Variants in PCDHGB3 observed in about 807,000 individuals in gnomAD.
PCDHGB3 encodes protocadherin gamma subfamily B, 3.
Under a neutral mutation model 59.2 loss-of-function variants are expected in PCDHGB3, and 40 were observed. The observed-to-expected ratio is 0.68, with a 90% CI of 0.52 to 0.88. The LOEUF (loss-of-function observed/expected upper bound fraction) is 0.88, where lower values mean the gene tolerates loss of function less well. PCDHGB3 is among the 40% of genes least tolerant of loss of function. The pLI is 0.00. For missense variants in PCDHGB3, 1,309 were observed against 1,187.9 expected, an observed-to-expected ratio of 1.10 and a Z score of -1.50; for synonymous variants, 581 against 503.6, an observed-to-expected ratio of 1.15 and a Z score of -2.06.
At chr5:141,445,313 T>C (rs1186654847) in intron 1 of PCDHGB3, among the ~76,000 whole-genome samples, 8 of 152,328 alleles carry the variant, frequency 5.3e-5, no homozygotes, top group Non-Finnish European at 4.4e-5. Flanking sequence ...GTTTGTAGGT[T>C]GAGAGAACCC....
intron 1 of PCDHGB3, chr5:141,395,373 G>A (rs2150613921): frequency 1.7e-6 from 2 of 1,189,412 alleles, no homozygotes; most frequent in African/African-American, 3.1e-5. Context: ...TATTTTGGTG[G>A]TGTTACTATA....
rs762979829 is a variant in PCDHGB3, at chr5:141,432,863, T to A, written c.2415+60054T>A. 1 of 1,614,074 alleles carries A rather than the reference T, an allele frequency of 6.2e-7. No individual in the cohort carries two copies. Among genetic ancestry groups the A allele is most frequent in the East Asian group, 2.2e-5 (1 of 44,886 alleles). On this transcript the variant is annotated intron_variant, in intron 1 of 3. Coordinates refer to ENST00000576222, the MANE Select transcript of PCDHGB3 (RefSeq NM_018924.5). The surrounding 1 kb of genome is among the most constrained non-coding windows in gnomAD (Gnocchi z 6.0). ...GGTGGTAGCGGTGGCCGCGGTCTCCTGCGTCTTCCTGGCCTTCGTCATCTT... is the reference window on the plus strand; with the variant it reads ...GGTGGTAGCGGTGGCCGCGGTCTCCAGCGTCTTCCTGGCCTTCGTCATCTT...
At chr5:141,478,215 T>C (rs764444582) in intron 1 of PCDHGB3, 11 of 1,614,118 alleles carry the variant, frequency 6.8e-6, no homozygotes. Context: ...TCTCTAATCC[T>C]GGTTTCTGTG....
chr5:141,423,569 TC>T (rs2096755253), intron 1 of PCDHGB3: 1 of 1,613,362 alleles, frequency 6.2e-7, no homozygotes, highest in Non-Finnish European at 8.5e-7. Context: ...GACACGCTCA[TC>T]AGCCAGGAGA....
chr5:141,373,880 A>T, intron 1 of PCDHGB3: 1 of 466,736 alleles, frequency 2.1e-6, no homozygotes, highest in Non-Finnish European at 3.6e-6. Context: ...CAAGAAAATC[A>T]ACGGAAACTC....
chr5:141,414,429 G>A (rs1372056104), intron 1 of PCDHGB3: 1 of 1,613,860 alleles, frequency 6.2e-7, no homozygotes, highest in Non-Finnish European at 8.5e-7. Flanking sequence ...ACAGGGAACA[G>A]GTATCCTCTT....
intron 2 of PCDHGB3, among the ~76,000 whole-genome samples, chr5:141,496,121 C>A (rs1391009290): frequency 6.6e-6 from 1 of 152,088 alleles, no homozygotes; most frequent in Non-Finnish European, 1.5e-5. Flanking sequence ...TCCTTCCCTG[C>A]CCCTCACACA....
In PCDHGB3 at chr5:141,399,542, C is replaced by T. The variant is rs761214012; in HGVS notation, c.2415+26733C>T. The T allele has an allele frequency of 5.6e-6, 9 of 1,614,046 alleles. No homozygotes were observed. The South Asian group carries it at 8.8e-5, about 16-fold the overall frequency. On this transcript the variant is annotated intron_variant, in intron 1 of 3. Transcript: ENST00000576222. ...GGGGCCTCCATCGCGCAAGTCTGCGCCTCGGACCTGGACTTGGGGTTGAAC... is the reference window on the plus strand; with the variant it reads ...GGGGCCTCCATCGCGCAAGTCTGCGTCTCGGACCTGGACTTGGGGTTGAAC...
At chr5:141,461,614 T>G (rs954890718) in intron 1 of PCDHGB3, among the ~76,000 whole-genome samples, 11 of 152,208 alleles carry the variant, frequency 7.2e-5, no homozygotes, top group Non-Finnish European at 1.2e-4. Flanking sequence ...TTCAAAGTAT[T>G]TTCTAATACA....
At chr5:141,463,438 C>CTTTTTT (rs71576115) in intron 1 of PCDHGB3, among the ~76,000 whole-genome samples, 4 of 103,256 alleles carry the variant, frequency 3.9e-5, no homozygotes, top group African/African-American at 1.3e-4. Context: ...TTTCCTTCTC[C>CTTTTTT]TTTTTTTTTT....
intron 1 of PCDHGB3, among the ~76,000 whole-genome samples, chr5:141,453,101 T>TTTTTG (rs879618609): frequency 3.2e-4 from 49 of 152,130 alleles, no homozygotes; most frequent in Middle Eastern, 6.8e-3. Flanking sequence ...TTCTGTTGCT[T>TTTTTG]TTTTGTTTTG....
intron 1 of PCDHGB3, chr5:141,414,763 C>A: frequency 6.2e-7 from 1 of 1,614,258 alleles, no homozygotes; most frequent in Non-Finnish European, 8.5e-7. Flanking sequence ...TGAGCAGTTT[C>A]ATGAGCTACA....
chr5:141,372,095 G>C lies in PCDHGB3; in HGVS notation c.1701G>C (p.Leu567=), dbSNP rs1359793562. The C allele has an allele frequency of 6.2e-7, 1 of 1,613,790 alleles. No individual in the cohort carries two copies. Among genetic ancestry groups the C allele is most frequent in the Admixed American group, 1.7e-5 (1 of 60,030 alleles). The change falls in exon 1 of 4, where the codon CTG becomes CTC. Residue 567 remains leucine (L), a synonymous_variant. Coordinates refer to ENST00000576222, the MANE Select transcript of PCDHGB3 (RefSeq NM_018924.5). Reference sequence around the variant, plus strand: ...CACCGCTGGTGCTGTACCCAGCTCTGGGGCCCGAAGGCTCTGCGCTCTTCG... The same window carrying C: ...CACCGCTGGTGCTGTACCCAGCTCTCGGGCCCGAAGGCTCTGCGCTCTTCG... ...DNAPLVLYPA[L]GPEGSALFDM... is the part of the protein sequence containing the mutation.
Position 141,486,786 on chromosome 5 carries a change from G to A in PCDHGB3, c.2416-8021G>A, listed in dbSNP as rs1360545946. The A allele has an allele frequency of 1.9e-6, 3 of 1,614,090 alleles. No individual in the cohort carries two copies. The highest frequency in any genetic ancestry group is 2.2e-5 in the East Asian group (1 of 44,892). ...ACACTGCAGTTTGAGGTGCAGGCCC[G>A]GGATCGGGGCAACCCACCCCTTAGC... is the stretch of plus-strand genomic sequence containing the variant. On this transcript the variant is annotated intron_variant, in intron 1 of 3. Coordinates refer to ENST00000576222, the MANE Select transcript of PCDHGB3 (RefSeq NM_018924.5). This position sits in a 1 kb window ranked among gnomAD's most constrained non-coding sequence, Gnocchi z 5.0.
rs117345436 is a variant in PCDHGB3 at position 141,492,015 on chromosome 5, G to T, written c.2416-2792G>T. 1,356 of 600,608 alleles carry T rather than the reference G, an allele frequency of 2.3e-3. 40 individuals carry two copies. The East Asian group carries it at 0.038, about 17-fold the overall frequency. The allele number at this position is 600,608 out of a possible 1,614,324, so 37.2% of individuals were successfully genotyped here. A position where few individuals can be genotyped will look rare whatever the true frequency, so the allele number is the denominator to read the frequency against. ...ATTTCGGGCGATTTCCGCGGGTGTC[G>T]GGGGTCCCGGGAGGAGGCAGTCACA... On this transcript the variant is annotated intron_variant, in intron 1 of 3. Transcript: ENST00000576222.
At chr5:141,410,235 G>T (rs753193390) in intron 1 of PCDHGB3, 1 of 1,613,852 alleles carries the variant, frequency 6.2e-7, no homozygotes, top group Non-Finnish European at 8.5e-7. Context: ...CTCAGCGACC[G>T]CCCTGTACTC....
intron 1 of PCDHGB3, chr5:141,409,838 G>T: frequency 6.2e-7 from 1 of 1,611,532 alleles, no homozygotes; most frequent in Non-Finnish European, 8.5e-7. Context: ...CAGCGCCAAC[G>T]TGAGCCTGCG....
chr5:141,470,622 A>G (rs1323376824), intron 1 of PCDHGB3, among the ~76,000 whole-genome samples: 6 of 152,336 alleles, frequency 3.9e-5, no homozygotes, highest in Admixed American at 6.5e-5. Flanking sequence ...CTTCATGCTT[A>G]GATAGGCCCC....
chr5:141,409,961 C>G (rs538942740), intron 1 of PCDHGB3: 26 of 1,613,442 alleles, frequency 1.6e-5, no homozygotes, highest in Admixed American at 8.3e-5. Context: ...GCCCGGCTAC[C>G]TAGTGACTAA....
Sources: gnomAD v4.1 joint callset for allele counts (sites outside exome capture counted in the v4.1 genomes callset) on GRCh38, gnomAD v4.1.1 for gene constraint, Gnocchi (gnomAD v3.1) non-coding constraint, MANE v1.5 for transcripts, NCBI Gene and HGNC (gene_info 2026-07-23, HGNC 2026-07-21) for gene names.